The following C12orf42 variants were observed in gnomAD, a reference collection of about 807,000 sequenced individuals.
C12orf42 encodes uncharacterized protein C12orf42.
A neutral mutation model predicts 21.6 loss-of-function variants in C12orf42; 25 were observed. The observed-to-expected ratio is 1.16, with a 90% CI of 0.84 to 1.62. The LOEUF (loss-of-function observed/expected upper bound fraction) is 1.62, where lower values mean the gene tolerates loss of function less well. Among genes scored for constraint, C12orf42 ranks in the 40% most tolerant of loss-of-function variants. The probability of loss-of-function intolerance (pLI) is 0.00; values close to 1 mark genes in which losing one functional copy is unlikely to be tolerated. For synonymous variants in C12orf42, 174 were observed against 175.0 expected (o/e 0.99, Z 0.05); for missense variants, 483 against 459.3 (o/e 1.05, Z -0.47).
chr12:103,506,651 T>C, the C12orf42 span, among the ~76,000 whole-genome samples: 1 of 149,702 alleles, frequency 6.7e-6, no homozygotes. Context: ...GTTCAGACAA[T>C]GATAAAGTTG....
At chr12:103,238,549 G>A (rs2033568009) in intron 10 of C12orf42, among the ~76,000 whole-genome samples, 1 of 152,212 alleles carries the variant, frequency 6.6e-6, no homozygotes, top group Non-Finnish European at 1.5e-5. Flanking sequence ...ATAATCTGAG[G>A]AGTGTAGGAG....
At chr12:103,281,219 T>G (rs193183135) in intron 4 of C12orf42, among the ~76,000 whole-genome samples, 1 of 152,242 alleles carries the variant, frequency 6.6e-6, no homozygotes, top group Non-Finnish European at 1.5e-5. Context: ...AGATTATCTC[T>G]AAGTCTGAGA....
chr12:103,561,209 C>T, the C12orf42 span, among the ~76,000 whole-genome samples: 1 of 152,176 alleles, frequency 6.6e-6, no homozygotes, highest in African/African-American at 2.4e-5. Context: ...GGAGAGGGGG[C>T]AGGAGCTCCT....
rs75501900 is a variant in C12orf42, at chr12:103,280,632, T to C, written n.338-3422A>G. On this transcript the variant is annotated intron_variant and non_coding_transcript_variant, in intron 4 of 6. Transcript: ENST00000546526. ...AGACTCCATCTCCACACAAAAAAAATCTTGAATGGTAGGGGAGACAGAAAC... is the reference window on the plus strand; with the variant it reads ...AGACTCCATCTCCACACAAAAAAAACCTTGAATGGTAGGGGAGACAGAAAC... Among the ~76,000 whole-genome samples, 459 of 151,480 alleles carry C rather than the reference T, an allele frequency of 3.0e-3. 2 individuals carry two copies. Among genetic ancestry groups the C allele is most frequent in the East Asian group, 0.018 (93 of 5,130 alleles).
At chr12:103,533,420 T>C in the C12orf42 span, among the ~76,000 whole-genome samples, 1 of 152,184 alleles carries the variant, frequency 6.6e-6, no homozygotes, top group Non-Finnish European at 1.5e-5. Context: ...TTGGTCCTCA[T>C]GGGTCTCAGC....
chr12:103,373,932 A>T (rs570644201), intron 3 of C12orf42, among the ~76,000 whole-genome samples: 12 of 152,348 alleles, frequency 7.9e-5, no homozygotes, highest in Admixed American at 2.0e-4. Flanking sequence ...AGCATTATCA[A>T]TTTGATATGG....
At chr12:103,250,153 C>T (rs1020796479) in intron 10 of C12orf42, among the ~76,000 whole-genome samples, 4 of 151,744 alleles carry the variant, frequency 2.6e-5, no homozygotes, top group African/African-American at 7.3e-5. Context: ...CTTGGAATGT[C>T]GGCTAAGATT....
At chr12:103,206,477 G>A in the C12orf42 span, among the ~76,000 whole-genome samples, 1 of 151,730 alleles carries the variant, frequency 6.6e-6, no homozygotes, top group Non-Finnish European at 1.5e-5. Context: ...TTGCATAAGT[G>A]TTATCTCTAT....
At chr12:103,229,331 A>G in the C12orf42 span, among the ~76,000 whole-genome samples, 1 of 152,226 alleles carries the variant, frequency 6.6e-6, no homozygotes, top group Non-Finnish European at 1.5e-5. Flanking sequence ...CCGTGATAGT[A>G]CAGGCTCCAG....
the C12orf42 span, among the ~76,000 whole-genome samples, chr12:103,537,250 C>T: frequency 4.6e-5 from 7 of 151,858 alleles, no homozygotes; most frequent in African/African-American, 1.7e-4. Flanking sequence ...CAAAGATAGC[C>T]TCCTTCAGAA....
intron 2 of C12orf42, among the ~76,000 whole-genome samples, chr12:103,471,780 A>G (rs1953629994): frequency 6.6e-6 from 1 of 152,250 alleles, no homozygotes; most frequent in African/African-American, 2.4e-5. Context: ...ATCAGGAAAC[A>G]AGAAACATCT....
At chr12:103,471,860 T>A (rs547882516) in intron 2 of C12orf42, 3 of 152,296 alleles carry the variant, frequency 2.0e-5, no homozygotes, top group African/African-American at 7.2e-5. Context: ...ATGTAGATAG[T>A]AACCCACGAA....
At chr12:103,166,825 C>T in the C12orf42 span, among the ~76,000 whole-genome samples, 1 of 152,120 alleles carries the variant, frequency 6.6e-6, no homozygotes. Flanking sequence ...AAAATTTCAT[C>T]CATCTTTTTT....
chr12:103,150,501 T>G, the C12orf42 span, among the ~76,000 whole-genome samples: 1 of 152,234 alleles, frequency 6.6e-6, no homozygotes, highest in Non-Finnish European at 1.5e-5. Context: ...CTAATTTAGG[T>G]TAATCCATAA....
the C12orf42 span, chr12:103,503,800 A>T: frequency 6.5e-6 from 1 of 152,982 alleles, no homozygotes; most frequent in Non-Finnish European, 1.5e-5. Context: ...GGAGGAGCAT[A>T]TTGCAGCTGT....
chr12:103,053,772 G>C, the C12orf42 span, among the ~76,000 whole-genome samples: 1 of 151,736 alleles, frequency 6.6e-6, no homozygotes, highest in Non-Finnish European at 1.5e-5. Flanking sequence ...GTTAAATTTT[G>C]TACAAGATGT....
chr12:103,328,977 T>C (rs2040958621), intron 4 of C12orf42, among the ~76,000 whole-genome samples: 1 of 152,246 alleles, frequency 6.6e-6, no homozygotes, highest in South Asian at 2.1e-4. Context: ...GCACAGTTCC[T>C]GCCCTTCAGA....
the C12orf42 span, among the ~76,000 whole-genome samples, chr12:103,119,096 A>G: frequency 6.6e-6 from 1 of 152,156 alleles, no homozygotes. Flanking sequence ...CTCTGCTCCC[A>G]CTAGACACTG....
chr12:103,361,461 A>G (rs1010415512), intron 4 of C12orf42, among the ~76,000 whole-genome samples: 2 of 152,066 alleles, frequency 1.3e-5, no homozygotes, highest in Admixed American at 1.3e-4. Context: ...GGAAAAGACC[A>G]CAGGGAGAAG....
Sources: gnomAD v4.1 joint callset for allele counts (sites outside exome capture counted in the v4.1 genomes callset) on GRCh38, gnomAD v4.1.1 for gene constraint, MANE v1.5 for transcripts, NCBI Gene and HGNC (gene_info 2026-07-23, HGNC 2026-07-21) for gene names.